ZFHX3: variants seen among roughly 807,000 people sequenced by gnomAD.
ZFHX3 encodes zinc finger homeobox protein 3.
Under a neutral mutation model 279.1 loss-of-function variants are expected in ZFHX3, and 42 were observed. The observed-to-expected ratio is 0.15, with a 90% CI of 0.12 to 0.19. ZFHX3 has a LOEUF of 0.19. Among genes scored for constraint, ZFHX3 ranks in the 10% least tolerant of loss-of-function variants. The pLI is 1.00. For missense variants in ZFHX3, 4,981 were observed against 4,754.0 expected (o/e 1.05, Z -1.40); for synonymous variants, 2,293 against 1,957.8 (o/e 1.17, Z -4.52).
intron 5 of ZFHX3, among the ~76,000 whole-genome samples, chr16:73,221,674 T>C (rs1047772537): frequency 3.3e-5 from 5 of 152,298 alleles, no homozygotes; most frequent in African/African-American, 9.6e-5. Context: ...GTACATAAAG[T>C]ACTGTTTCTT....
intron 4 of ZFHX3, among the ~76,000 whole-genome samples, chr16:73,308,016 T>C (rs1389573126): frequency 6.6e-6 from 1 of 151,744 alleles, no homozygotes; most frequent in African/African-American, 2.4e-5. Context: ...TGCTAAATGA[T>C]GGCTTGGGTT....
chr16:72,953,735 T>C (rs1039235663), intron 2 of ZFHX3, among the ~76,000 whole-genome samples: 1 of 152,124 alleles, frequency 6.6e-6, no homozygotes, highest in Non-Finnish European at 1.5e-5. Flanking sequence ...TGCACCCCAC[T>C]ACGTCTGGCT....
At chr16:73,332,486 C>A (rs960371964) in intron 3 of ZFHX3, among the ~76,000 whole-genome samples, 3 of 152,208 alleles carry the variant, frequency 2.0e-5, no homozygotes, top group African/African-American at 7.2e-5. Flanking sequence ...ATCTTCCCAG[C>A]AGCACAGGTC....
chr16:73,236,080 C>A (rs1363429637), intron 5 of ZFHX3, among the ~76,000 whole-genome samples: 2 of 152,162 alleles, frequency 1.3e-5, no homozygotes, highest in Admixed American at 1.3e-4. Context: ...GTCTAAAGTT[C>A]CTAGAACAGG....
At chr16:72,956,622 C>A (rs117530864) in intron 2 of ZFHX3, among the ~76,000 whole-genome samples, 3,677 of 152,278 alleles carry the variant, frequency 0.024, 89 homozygotes, top group South Asian at 0.067. Context: ...GCCAAATCAG[C>A]TTCTCTAAAG....
At chr16:73,019,677 C>T (rs538463563) in intron 1 of ZFHX3, among the ~76,000 whole-genome samples, 38 of 152,282 alleles carry the variant, frequency 2.5e-4, no homozygotes, top group Admixed American at 1.2e-3. Context: ...CATCACGACG[C>T]GCAGGAAGCA....
intron 1 of ZFHX3, among the ~76,000 whole-genome samples, chr16:73,728,901 G>T (rs537208195): frequency 6.6e-6 from 1 of 151,922 alleles, no homozygotes; most frequent in Admixed American, 6.6e-5. Context: ...ACCAGGAGCT[G>T]TTGGTTCCTT....
intron 7 of ZFHX3, among the ~76,000 whole-genome samples, chr16:73,121,405 T>G (rs1966497278): frequency 2.0e-5 from 3 of 152,324 alleles, no homozygotes; most frequent in South Asian, 4.1e-4. Context: ...TTGTTTTTAC[T>G]TTTTAAAATA....
At chr16:73,723,909 A>G (rs1364583336) in intron 1 of ZFHX3, among the ~76,000 whole-genome samples, 1 of 152,228 alleles carries the variant, frequency 6.6e-6, no homozygotes, top group Non-Finnish European at 1.5e-5. Context: ...GCATTGAAGA[A>G]AACAATCTAT....
chr16:73,851,643 G>C (rs955985136), intron 1 of ZFHX3, among the ~76,000 whole-genome samples: 5 of 152,132 alleles, frequency 3.3e-5, no homozygotes, highest in Admixed American at 1.3e-4. Flanking sequence ...CCTTCAAAAA[G>C]CTTCTTTAGA....
At chr16:73,348,920 T>G (rs542260968) in intron 3 of ZFHX3, among the ~76,000 whole-genome samples, 1 of 152,310 alleles carries the variant, frequency 6.6e-6, no homozygotes, top group South Asian at 2.1e-4. Context: ...CTTGGTTCGG[T>G]GGAAAATCAA....
intron 2 of ZFHX3, among the ~76,000 whole-genome samples, chr16:73,631,927 T>TCTCTCTCA (rs1437204921): frequency 5.8e-5 from 8 of 136,814 alleles, no homozygotes; most frequent in African/African-American, 2.3e-4. Context: ...TCTCTCTCTC[T>TCTCTCTCA]CACACACACA....
intron 2 of ZFHX3, among the ~76,000 whole-genome samples, chr16:73,587,080 A>G (rs1306969552): frequency 6.6e-6 from 1 of 152,220 alleles, no homozygotes; most frequent in Non-Finnish European, 1.5e-5. Context: ...TGAAAGAAAG[A>G]GTGAAATTTT....
intron 3 of ZFHX3, among the ~76,000 whole-genome samples, chr16:73,338,391 T>C (rs1265745313): frequency 6.6e-6 from 1 of 152,160 alleles, no homozygotes; most frequent in East Asian, 1.9e-4. Flanking sequence ...TTGGCAAATA[T>C]TTGATATGTA....
chr16:73,470,748 C>A (rs899479427), intron 2 of ZFHX3, among the ~76,000 whole-genome samples: 1 of 152,168 alleles, frequency 6.6e-6, no homozygotes, highest in African/African-American at 2.4e-5. Flanking sequence ...GTGAAAGTAT[C>A]ATTAACATGG....
chr16:73,319,071 AG>A (rs1388541465), intron 3 of ZFHX3, among the ~76,000 whole-genome samples: 1 of 38,588 alleles, frequency 2.6e-5, no homozygotes, highest in Non-Finnish European at 6.2e-5. Flanking sequence ...AATACCATGG[AG>A]GGGGTGAGGT....
At chr16:72,905,621 A>G (rs1170732934) in intron 3 of ZFHX3, among the ~76,000 whole-genome samples, 1 of 152,154 alleles carries the variant, frequency 6.6e-6, no homozygotes, top group Non-Finnish European at 1.5e-5. Context: ...TCAGAATTCT[A>G]CATGTGTGCG....
intron 5 of ZFHX3, among the ~76,000 whole-genome samples, chr16:73,251,371 G>A (rs1236687626): frequency 1.3e-5 from 2 of 152,160 alleles, no homozygotes; most frequent in Non-Finnish European, 1.5e-5. Flanking sequence ...TGACAACAGC[G>A]AGCACGGAGC....
chr16:73,165,568 C>T (rs910943979), intron 5 of ZFHX3, among the ~76,000 whole-genome samples: 29 of 152,084 alleles, frequency 1.9e-4, no homozygotes, highest in Non-Finnish European at 2.1e-4. Flanking sequence ...GAAAGTGGAC[C>T]GAGCCCACCT....
Sources: allele counts gnomAD v4.1 joint callset (sites outside exome capture counted in the v4.1 genomes callset), GRCh38; gene constraint gnomAD v4.1.1; transcripts MANE v1.5; gene names NCBI Gene and HGNC (gene_info 2026-07-23, HGNC 2026-07-21).